The following RORA variants were observed in gnomAD, a reference collection of about 807,000 sequenced individuals.
RORA encodes RAR related orphan receptor A, also known as nuclear receptor ROR-alpha.
A neutral mutation model predicts 69.5 loss-of-function variants in RORA; 7 were observed. That is an observed-to-expected ratio of 0.10 (90% confidence interval 0.06 to 0.19). RORA has a LOEUF of 0.19. Among genes scored for constraint, RORA ranks in the 10% least tolerant of loss-of-function variants. RORA has a pLI of 1.00. For synonymous variants in RORA, 261 were observed against 240.8 expected (o/e 1.08, Z -0.78); for missense variants, 457 against 663.0 (o/e 0.69, Z 3.41).
At chr15:60,868,778 T>A (rs893560007) in intron 1 of RORA, among the ~76,000 whole-genome samples, 7 of 152,168 alleles carry the variant, frequency 4.6e-5, no homozygotes, top group Non-Finnish European at 8.8e-5. Flanking sequence ...TGGGACCTTA[T>A]CAATTGGATA....
At chr15:60,954,156 A>C (rs1893192985) in intron 1 of RORA, among the ~76,000 whole-genome samples, 1 of 145,374 alleles carries the variant, frequency 6.9e-6, no homozygotes, top group South Asian at 2.3e-4. Context: ...CATGGATGAA[A>C]TTGGAAATCA....
intron 1 of RORA, among the ~76,000 whole-genome samples, chr15:61,063,753 A>G (rs1382505275): frequency 6.6e-6 from 1 of 152,200 alleles, no homozygotes; most frequent in Non-Finnish European, 1.5e-5. Flanking sequence ...AATATTAACT[A>G]TTGTTATTAG....
chr15:60,525,737 C>A (rs945692287), intron 3 of RORA, among the ~76,000 whole-genome samples: 5 of 152,142 alleles, frequency 3.3e-5, no homozygotes, highest in African/African-American at 1.2e-4. Context: ...GTATGTCTAC[C>A]TTTCATTTTA....
chr15:60,568,530 A>C (rs1377449285), intron 2 of RORA, among the ~76,000 whole-genome samples: 1 of 152,228 alleles, frequency 6.6e-6, no homozygotes, highest in Non-Finnish European at 1.5e-5. Context: ...GGAAGGAAGA[A>C]GCCCCTTTTC....
At chr15:61,181,591 C>T (rs1382529591) in intron 1 of RORA, among the ~76,000 whole-genome samples, 1 of 150,114 alleles carries the variant, frequency 6.7e-6, no homozygotes, top group Non-Finnish European at 1.5e-5. Context: ...TTTGTTGCCA[C>T]CTTTTCAGTG....
chr15:60,855,866 C>T (rs1399386292), intron 1 of RORA, among the ~76,000 whole-genome samples: 1 of 152,228 alleles, frequency 6.6e-6, no homozygotes, highest in Non-Finnish European at 1.5e-5. Context: ...CCATCCACCT[C>T]GGCCTCCCAA....
At chr15:60,621,198 G>A (rs538447792) in intron 2 of RORA, among the ~76,000 whole-genome samples, 2 of 136,332 alleles carry the variant, frequency 1.5e-5, no homozygotes, top group South Asian at 2.2e-4. Flanking sequence ...AACTTTCATC[G>A]AATATATATA....
chr15:60,979,014 T>C (rs1177737824), intron 1 of RORA, among the ~76,000 whole-genome samples: 1 of 128,458 alleles, frequency 7.8e-6, no homozygotes, highest in Non-Finnish European at 1.6e-5. Context: ...CAGGCTGGAG[T>C]GCAGTGGTGC....
intron 1 of RORA, among the ~76,000 whole-genome samples, chr15:60,931,872 A>G (rs2140500958): frequency 6.6e-6 from 1 of 152,314 alleles, no homozygotes; most frequent in South Asian, 2.1e-4. Flanking sequence ...TGATTCCTTC[A>G]ATATTAACAC....
rs964778032 is a variant in RORA at position 60,491,132 on chromosome 15, T to G, written c.*6323A>C. On this transcript the variant is annotated 3_prime_UTR_variant, in exon 11 of 11. Transcript: ENST00000335670. ...TGTATACAGTACATATGGATTTTTTTTGTGAAATCATTTTCACTATATTGC... is the reference window on the plus strand; with the variant it reads ...TGTATACAGTACATATGGATTTTTTGTGTGAAATCATTTTCACTATATTGC... The G allele has an allele frequency of 2.0e-4, 31 of 152,204 alleles. No individual in the cohort carries two copies. The highest frequency in any genetic ancestry group is 7.2e-4 in the African/African-American group (30 of 41,460). The allele number at this position is 152,204 out of a possible 1,614,324, so 9.4% of individuals were successfully genotyped here. A position where few individuals can be genotyped will look rare whatever the true frequency, so the allele number is the denominator to read the frequency against.
intron 1 of RORA, among the ~76,000 whole-genome samples, chr15:61,195,700 G>A (rs2079840181): frequency 6.6e-6 from 1 of 152,148 alleles, no homozygotes; most frequent in Non-Finnish European, 1.5e-5. Context: ...ACATTTATAA[G>A]AAGCTTACCT....
intron 1 of RORA, among the ~76,000 whole-genome samples, chr15:60,731,749 T>G (rs889268552): frequency 6.6e-6 from 1 of 152,236 alleles, no homozygotes; most frequent in Non-Finnish European, 1.5e-5. Flanking sequence ...ACCAGTTGAC[T>G]GCTGTTAGTG....
chr15:60,784,772 G>A (rs117470924), intron 1 of RORA, among the ~76,000 whole-genome samples: 3,483 of 152,264 alleles, frequency 0.023, 48 homozygotes, highest in Non-Finnish European at 0.034. Context: ...TTTCTTTAAA[G>A]TAGAAAACCA....
intron 1 of RORA, chr15:60,764,995 A>C (rs1365196979): frequency 6.6e-6 from 1 of 151,920 alleles, no homozygotes; most frequent in Admixed American, 6.6e-5. Context: ...AGCTACCACA[A>C]AGGACAGCAT....
At chr15:60,921,431 T>A (rs1467947134) in intron 1 of RORA, among the ~76,000 whole-genome samples, 2 of 152,084 alleles carry the variant, frequency 1.3e-5, no homozygotes, top group Non-Finnish European at 2.9e-5. Flanking sequence ...CATAAAAGAG[T>A]ACATAGCACA....
intron 1 of RORA, among the ~76,000 whole-genome samples, chr15:61,194,968 C>CA (rs5813080): frequency 0.53 from 77,347 of 147,014 alleles, 19,956 homozygotes; most frequent in South Asian, 0.57. Flanking sequence ...AGCACCAGAA[C>CA]AAAAAAAAAA....
intron 1 of RORA, among the ~76,000 whole-genome samples, chr15:61,025,985 G>GA: frequency 6.6e-6 from 1 of 152,142 alleles, no homozygotes; most frequent in Non-Finnish European, 1.5e-5. Flanking sequence ...ATGCACCAAG[G>GA]AAACATAACA....
chr15:61,167,468 A>C (rs1293139842), intron 1 of RORA, among the ~76,000 whole-genome samples: 4 of 138,914 alleles, frequency 2.9e-5, no homozygotes, highest in African/African-American at 1.1e-4. Context: ...AAGGATGCAA[A>C]TAATTTGACC....
At chr15:60,504,925 C>T (rs759306430) in intron 6 of RORA, among the ~76,000 whole-genome samples, 2 of 152,178 alleles carry the variant, frequency 1.3e-5, no homozygotes, top group Non-Finnish European at 2.9e-5. Flanking sequence ...ACTCTCCAGA[C>T]ATGCCAGTGG....
Sources: gnomAD v4.1 joint callset for allele counts (sites outside exome capture counted in the v4.1 genomes callset) on GRCh38, gnomAD v4.1.1 for gene constraint, MANE v1.5 for transcripts, NCBI Gene and HGNC (gene_info 2026-07-23, HGNC 2026-07-21) for gene names.